Variants in SCAI observed in about 807,000 individuals in gnomAD.
The protein encoded by SCAI is suppressor of cancer cell invasion.
SCAI carries 24 observed loss-of-function variants against 92.2 expected under a neutral mutation model. That is an observed-to-expected ratio of 0.26 (90% CI 0.19 to 0.37). SCAI has a LOEUF of 0.37. Among genes scored for constraint, SCAI ranks in the 10% least tolerant of loss-of-function variants. SCAI has a pLI of 1.00. For missense variants in SCAI, 450 were observed against 736.2 expected, an observed-to-expected ratio of 0.61 and a Z score of 4.50; for synonymous variants, 261 against 258.6, an observed-to-expected ratio of 1.01 and a Z score of -0.09.
In SCAI at chr9:124,949,126, A is replaced by G. The variant is rs1201405817; in HGVS notation, c.*3681T>C. The G allele has an allele frequency of 6.6e-6, 1 of 152,434 alleles. No homozygotes were observed. The highest frequency in any genetic ancestry group is 6.5e-5 in the Admixed American group (1 of 15,282). 9.4% of individuals were successfully genotyped at this position (152,434 alleles called of 1,614,324 possible). A position where few individuals can be genotyped will look rare whatever the true frequency, so the allele number is the denominator to read the frequency against. On this transcript the variant is annotated 3_prime_UTR_variant, in exon 18 of 18. Transcript: ENST00000336505. The surrounding 1 kb of genome is among the most constrained non-coding windows in gnomAD (Gnocchi z 4.0). The stretch of plus-strand genomic sequence containing the variant: ...GTAATCCCAGCACTTTGGGAGGCCG[A>G]GGCCAACGGATCACCTCAAATCAGG...
rs71374219 is a variant in SCAI at position 125,032,195 on chromosome 9, A to ATTT, written c.231-2459_231-2457dup. 5.5e-3 allele frequency among the ~76,000 whole-genome samples: 544 copies of ATTT among 99,434 alleles called. 7 individuals are homozygous for ATTT. The highest frequency in any genetic ancestry group is 9.6e-3 in the African/African-American group (201 of 21,014). The allele number at this position is 99,434 out of a possible 152,430, so 65.2% of individuals were successfully genotyped here. A position where few individuals can be genotyped will look rare whatever the true frequency, so the allele number is the denominator to read the frequency against. The stretch of plus-strand genomic sequence containing the variant: ...AATATATATATATATATATATATAT[A>ATTT]TTTTTTTTTTTTTTTGAGATGGAGT... On this transcript the variant is annotated intron_variant, in intron 3 of 17. Coordinates refer to ENST00000336505, the MANE Select transcript of SCAI (RefSeq NM_001144877.3).
chr9:125,040,044 C>T (rs1833287427), intron 3 of SCAI, among the ~76,000 whole-genome samples: 1 of 152,162 alleles, frequency 6.6e-6, no homozygotes, highest in Non-Finnish European at 1.5e-5. Context: ...ACTTTATTCC[C>T]CACAAACACC....
In SCAI at chr9:125,018,858, T is replaced by C; in HGVS notation, c.802A>G (p.Met268Val). The change falls in exon 9 of 18, where the codon ATG (methionine) becomes GTG (valine). Residue 268 changes from methionine (M) to valine (V), a missense_variant. Physicochemically the swap from Met to Val is conservative, Grantham distance 21 (BLOSUM62 1). Coordinates refer to ENST00000336505, the MANE Select transcript of SCAI (RefSeq NM_001144877.3). Reference sequence around the variant, plus strand: ...GCCAGAGACAACTGTCCCACAATCATGCCCTGTTCCAGCAATGGGGCTCCT... The same window carrying C: ...GCCAGAGACAACTGTCCCACAATCACGCCCTGTTCCAGCAATGGGGCTCCT... ...ETGAPLLEQG[M>V]IVGQLSLADA... 1 of 1,614,070 alleles carries C rather than the reference T, an allele frequency of 6.2e-7. No individual in the cohort carries two copies. The highest frequency in any genetic ancestry group is 1.3e-5 in the African/African-American group (1 of 75,054).
intron 2 of SCAI, among the ~76,000 whole-genome samples, chr9:125,074,258 CAAAAAAA>C (rs1160696426): frequency 2.4e-5 from 2 of 84,836 alleles, no homozygotes; most frequent in African/African-American, 9.5e-5. Flanking sequence ...GACTCCATAT[CAAAAAAA>C]AAAAAAAAAA....
At chr9:125,058,219 T>C (rs1410336120) in intron 2 of SCAI, among the ~76,000 whole-genome samples, 2 of 151,862 alleles carry the variant, frequency 1.3e-5, no homozygotes, top group Admixed American at 6.6e-5. Context: ...ATGAACTCTG[T>C]GGATTGAAAC....
At chr9:125,011,387 C>A (rs1283639221) in intron 9 of SCAI, among the ~76,000 whole-genome samples, 3 of 152,094 alleles carry the variant, frequency 2.0e-5, no homozygotes, top group Non-Finnish European at 4.4e-5. Flanking sequence ...GTGAAGAATG[C>A]AGAAGCCTCA....
chr9:125,026,755 G>A lies in SCAI; in HGVS notation c.512+57C>T, dbSNP rs879212048. On this transcript the variant is annotated intron_variant, in intron 6 of 17. Coordinates refer to ENST00000336505, the MANE Select transcript of SCAI (RefSeq NM_001144877.3). Reference sequence around the variant, plus strand: ...GTATGCTTTTCCACACAATTTCTACGAAGATTAAGACTGAATGTTTTATCC... The same window carrying A: ...GTATGCTTTTCCACACAATTTCTACAAAGATTAAGACTGAATGTTTTATCC... 115 of 882,262 alleles carry A rather than the reference G, an allele frequency of 1.3e-4. 1 individual carries two copies. The South Asian group carries it at 1.8e-3, about 14-fold the overall frequency. The allele number at this position is 882,262 out of a possible 1,614,324, so 54.7% of individuals were successfully genotyped here. A position where few individuals can be genotyped will look rare whatever the true frequency, so the allele number is the denominator to read the frequency against.
At chr9:125,049,528 T>C (rs960464533) in intron 3 of SCAI, among the ~76,000 whole-genome samples, 3 of 152,276 alleles carry the variant, frequency 2.0e-5, no homozygotes, top group Non-Finnish European at 2.9e-5. Context: ...AGAGCCATTA[T>C]ATGCGAAACA....
intron 2 of SCAI, among the ~76,000 whole-genome samples, chr9:125,140,996 T>G (rs946958543): frequency 6.6e-6 from 1 of 152,202 alleles, no homozygotes; most frequent in African/African-American, 2.4e-5. Context: ...TATACTTATC[T>G]CATTTCAGAC....
chr9:124,997,999 C>T (rs1406130154), intron 13 of SCAI, among the ~76,000 whole-genome samples: 2 of 151,890 alleles, frequency 1.3e-5, no homozygotes, highest in Admixed American at 6.6e-5. Context: ...GAGACAGAGT[C>T]TCACTAAGTT....
intron 14 of SCAI, among the ~76,000 whole-genome samples, chr9:124,976,483 G>A (rs946872245): frequency 6.6e-6 from 1 of 152,156 alleles, no homozygotes; most frequent in African/African-American, 2.4e-5. Context: ...TATACCAAGA[G>A]GCCAATCCAT....
intron 9 of SCAI, among the ~76,000 whole-genome samples, chr9:125,008,803 C>A (rs552689935): frequency 4.6e-5 from 7 of 152,216 alleles, no homozygotes; most frequent in Admixed American, 1.3e-4. Flanking sequence ...GACATAATAA[C>A]CATATTTCAA....
intron 9 of SCAI, among the ~76,000 whole-genome samples, chr9:125,005,751 G>A (rs999814638): frequency 6.6e-6 from 1 of 152,194 alleles, no homozygotes; most frequent in Non-Finnish European, 1.5e-5. Flanking sequence ...TTGGTTGGAA[G>A]ATGGCCCCTC....
chr9:125,081,993 A>G (rs941418522), intron 2 of SCAI, among the ~76,000 whole-genome samples: 1 of 152,260 alleles, frequency 6.6e-6, no homozygotes, highest in Non-Finnish European at 1.5e-5. Flanking sequence ...AGAAATTTGC[A>G]TAAGTAACGA....
chr9:125,008,434 C>G (rs1832560567), intron 9 of SCAI, among the ~76,000 whole-genome samples: 1 of 152,080 alleles, frequency 6.6e-6, no homozygotes, highest in South Asian at 2.1e-4. Flanking sequence ...ACTGCCTGGC[C>G]TGATATTTGT....
At chr9:125,047,976 CT>C (rs1169236032) in intron 3 of SCAI, among the ~76,000 whole-genome samples, 1 of 151,462 alleles carries the variant, frequency 6.6e-6, no homozygotes, top group Non-Finnish European at 1.5e-5. Flanking sequence ...CATTGATTTT[CT>C]TTTCTTTTGT....
intron 7 of SCAI, among the ~76,000 whole-genome samples, chr9:125,019,521 T>C (rs2131071884): frequency 6.6e-6 from 1 of 152,068 alleles, no homozygotes; most frequent in Admixed American, 6.5e-5. Flanking sequence ...AAAATGAGGC[T>C]GGATGCAGTA....
At chr9:125,032,466 AC>A (rs766488713) in intron 3 of SCAI, among the ~76,000 whole-genome samples, 32 of 151,812 alleles carry the variant, frequency 2.1e-4, no homozygotes, top group Admixed American at 3.9e-4. Flanking sequence ...TGCTGGGATT[AC>A]AGGTGTGAGC....
chr9:125,097,930 C>G (rs1834593718), intron 2 of SCAI, among the ~76,000 whole-genome samples: 1 of 150,772 alleles, frequency 6.6e-6, no homozygotes, highest in Non-Finnish European at 1.5e-5. Flanking sequence ...AGAATGTATA[C>G]AAGAATATGA....
Sources: gnomAD v4.1 joint callset for allele counts (sites outside exome capture counted in the v4.1 genomes callset) on GRCh38, gnomAD v4.1.1 for gene constraint, Gnocchi (gnomAD v3.1) non-coding constraint, MANE v1.5 for transcripts, NCBI Gene and HGNC (gene_info 2026-07-23, HGNC 2026-07-21) for gene names.